Variants in CTNNA3 observed in about 807,000 individuals in gnomAD.
CTNNA3 encodes the protein catenin alpha-3.
CTNNA3 carries 76 observed loss-of-function variants against 95.7 expected under a neutral mutation model. The ratio of observed to expected loss-of-function variants is 0.79; its 90% CI spans 0.66 to 0.96. The LOEUF (loss-of-function observed/expected upper bound fraction) is 0.96, where lower values mean the gene tolerates loss of function less well. Ranked by LOEUF, CTNNA3 falls within the 40% of genes least tolerant of loss-of-function variation. The pLI, the probability that CTNNA3 is intolerant of heterozygous loss-of-function variation, is 0.00. For missense variants in CTNNA3, 1,191 were observed against 1,089.8 expected (o/e 1.09, Z -1.31); for synonymous variants, 431 against 374.4 (o/e 1.15, Z -1.74).
At chr10:67,435,797 C>T (rs1047922207) in intron 5 of CTNNA3, among the ~76,000 whole-genome samples, 1 of 151,976 alleles carries the variant, frequency 6.6e-6, no homozygotes, top group Admixed American at 6.6e-5. Flanking sequence ...AGGAAAACTA[C>T]AAAACACTGC....
At chr10:67,162,689 G>A (rs547340650) in intron 7 of CTNNA3, among the ~76,000 whole-genome samples, 15 of 151,596 alleles carry the variant, frequency 9.9e-5, no homozygotes, top group African/African-American at 2.4e-4. Context: ...AATGAAAATC[G>A]AGAAATTCAA....
chr10:67,317,447 G>A (rs563736988), intron 5 of CTNNA3, among the ~76,000 whole-genome samples: 4 of 129,730 alleles, frequency 3.1e-5, no homozygotes, highest in African/African-American at 1.1e-4. Context: ...TTTTTTTTGA[G>A]ATTGAGTCTC....
intron 10 of CTNNA3, among the ~76,000 whole-genome samples, chr10:66,550,309 G>T (rs1264460227): frequency 6.6e-6 from 1 of 151,992 alleles, no homozygotes; most frequent in Non-Finnish European, 1.5e-5. Flanking sequence ...CCTTCAGTCT[G>T]TCTTTATAGA....
At chr10:67,403,380 G>C (rs1275978712) in intron 5 of CTNNA3, 1 of 152,328 alleles carries the variant, frequency 6.6e-6, no homozygotes, top group Non-Finnish European at 1.5e-5. Context: ...AGGCTTTGCA[G>C]AATCCAAGCC....
intron 7 of CTNNA3, among the ~76,000 whole-genome samples, chr10:66,912,313 A>G (rs899391944): frequency 1.3e-5 from 2 of 152,206 alleles, no homozygotes; most frequent in Non-Finnish European, 2.9e-5. Context: ...TGAAAATAGC[A>G]AAGTATTCCA....
intron 1 of CTNNA3, among the ~76,000 whole-genome samples, chr10:67,669,002 C>A (rs1050148280): frequency 1.3e-5 from 2 of 151,920 alleles, no homozygotes; most frequent in Non-Finnish European, 2.9e-5. Flanking sequence ...CCATGCCCGG[C>A]TAATTTTTTG....
At chr10:67,435,919 A>G (rs1162032387) in intron 5 of CTNNA3, among the ~76,000 whole-genome samples, 1 of 152,144 alleles carries the variant, frequency 6.6e-6, no homozygotes, top group Non-Finnish European at 1.5e-5. Flanking sequence ...TACAAATTCA[A>G]TGCAATCCCT....
At chr10:66,734,548 G>A (rs1457665704) in intron 9 of CTNNA3, among the ~76,000 whole-genome samples, 1 of 152,074 alleles carries the variant, frequency 6.6e-6, no homozygotes, top group Non-Finnish European at 1.5e-5. Context: ...GACTTTAAAT[G>A]TAAAAAAGTG....
At chr10:66,535,039 C>T (rs946144134) in intron 10 of CTNNA3, among the ~76,000 whole-genome samples, 26 of 151,990 alleles carry the variant, frequency 1.7e-4, no homozygotes, top group African/African-American at 6.3e-4. Context: ...ATTGCTGATG[C>T]ATATTCACTG....
intron 13 of CTNNA3, among the ~76,000 whole-genome samples, chr10:66,272,829 G>T (rs893693326): frequency 2.0e-5 from 3 of 152,102 alleles, no homozygotes; most frequent in Non-Finnish European, 2.9e-5. Flanking sequence ...ATCCACAGGG[G>T]TTATGTTCTA....
At chr10:66,305,985 T>A (rs1007911793) in intron 12 of CTNNA3, among the ~76,000 whole-genome samples, 14 of 152,324 alleles carry the variant, frequency 9.2e-5, no homozygotes, top group Admixed American at 6.5e-4. Flanking sequence ...TTTCCTATCC[T>A]GACCCAACTA....
At chr10:66,398,938 A>G (rs1190152474) in intron 11 of CTNNA3, among the ~76,000 whole-genome samples, 1 of 151,944 alleles carries the variant, frequency 6.6e-6, no homozygotes, top group African/African-American at 2.4e-5. Context: ...AAACAGATTC[A>G]CAACATCTGG....
At chr10:67,143,431 A>AAAAAAAAAAAAAAAAAAAAAT in intron 7 of CTNNA3, among the ~76,000 whole-genome samples, 1 of 149,812 alleles carries the variant, frequency 6.7e-6, no homozygotes, top group Non-Finnish European at 1.5e-5. Flanking sequence ...GTCTTAAAAA[A>AAAAAAAAAAAAAAAAAAAAAT]AAAAAAAAAA....
At chr10:67,305,022 A>G (rs554751239) in intron 5 of CTNNA3, among the ~76,000 whole-genome samples, 12 of 152,276 alleles carry the variant, frequency 7.9e-5, no homozygotes, top group African/African-American at 2.6e-4. Context: ...CATGCCTGTA[A>G]TCCCAGCACT....
At chr10:66,673,827 C>T (rs550769486) in intron 9 of CTNNA3, among the ~76,000 whole-genome samples, 2 of 152,034 alleles carry the variant, frequency 1.3e-5, no homozygotes, top group South Asian at 4.1e-4. Flanking sequence ...ACTTTCTGAG[C>T]ACACTGTCTG....
At chr10:67,154,603 G>A (rs1291850793) in intron 7 of CTNNA3, among the ~76,000 whole-genome samples, 1 of 152,228 alleles carries the variant, frequency 6.6e-6, no homozygotes, top group Non-Finnish European at 1.5e-5. Flanking sequence ...GACAACCATA[G>A]AAGTCATTAA....
At chr10:66,691,384 C>A (rs1479788338) in intron 9 of CTNNA3, among the ~76,000 whole-genome samples, 1 of 152,156 alleles carries the variant, frequency 6.6e-6, no homozygotes, top group Non-Finnish European at 1.5e-5. Flanking sequence ...GATCAAACTG[C>A]GAGGCAGCAG....
intron 11 of CTNNA3, among the ~76,000 whole-genome samples, chr10:66,464,624 G>A (rs138280732): frequency 0.075 from 11,386 of 151,986 alleles, 740 homozygotes; most frequent in East Asian, 0.24. Context: ...TTAGCTGGGT[G>A]TGGTGGTGCG....
chr10:66,245,017 G>C (rs377004043), intron 13 of CTNNA3, among the ~76,000 whole-genome samples: 2 of 152,150 alleles, frequency 1.3e-5, no homozygotes, highest in Non-Finnish European at 2.9e-5. Flanking sequence ...TTGCTTGGGC[G>C]CACTGGGCTC....
Sources: allele counts gnomAD v4.1 joint callset (sites outside exome capture counted in the v4.1 genomes callset), GRCh38; gene constraint gnomAD v4.1.1; transcripts MANE v1.5; gene names NCBI Gene and HGNC (gene_info 2026-07-23, HGNC 2026-07-21).